Variants in ICAM1 observed in about 807,000 individuals in gnomAD.
ICAM1 encodes the protein ICAM-1.
In ICAM1, 28 loss-of-function variants were observed where a neutral mutation model predicts 42.3. The ratio of observed to expected loss-of-function variants is 0.66; its 90% CI spans 0.49 to 0.91. ICAM1 has a LOEUF of 0.91. ICAM1 is among the 40% of genes least tolerant of loss of function. ICAM1 has a pLI of 0.00. For missense variants in ICAM1, 637 were observed against 688.6 expected, an observed-to-expected ratio of 0.93 and a Z score of 0.84; for synonymous variants, 304 against 305.9, an observed-to-expected ratio of 0.99 and a Z score of 0.07.
rs202118930 is a variant in ICAM1, at chr19:10,285,046, C to A, written c.1426+18C>A. ...TGTGCTCTGTGAGTGAGCCGGCGGG[C>A]AGAGCTGGGTGGGGGCAGGGGCCAT... On this transcript the variant is annotated intron_variant, in intron 6 of 6. Transcript: ENST00000264832. 1 of 1,613,552 alleles carries A rather than the reference C, an allele frequency of 6.2e-7. No homozygotes were observed. The highest frequency in any genetic ancestry group is 2.2e-5 in the East Asian group (1 of 44,886).
In ICAM1 at chr19:10,284,094, G is replaced by A. The variant is rs780564025; in HGVS notation, c.699G>A (p.Gly233=). The change falls in exon 4 of 7, where the codon GGG becomes GGA. Residue 233 remains glycine (G), a synonymous_variant. Transcript: ENST00000264832. This position sits in a 1 kb window ranked among gnomAD's most constrained non-coding sequence, Gnocchi z 5.4. The part of the protein sequence containing the change: ...SPRVLEVDTQ[G]TVVCSLDGLF... ...GGGTCCTAGAGGTGGACACGCAGGG[G>A]ACCGTGGTCTGTTCCCTGGACGGGC... The A allele has an allele frequency of 2.5e-6, 4 of 1,613,926 alleles. No homozygotes were observed. The African/African-American group carries it at 5.3e-5, about 22-fold the overall frequency.
In ICAM1 at chr19:10,284,763, A is replaced by T. The variant is rs1368955431; in HGVS notation, c.1181-20A>T. On this transcript the variant is annotated intron_variant, in intron 5 of 6. Transcript: ENST00000264832. This position sits in a 1 kb window ranked among gnomAD's most constrained non-coding sequence, Gnocchi z 5.4. ...TCCTGCCCCCACCCACCTCCATGTC[A>T]TCTCATCGTGTTTTTCCAGATGGCC... 6.2e-7 allele frequency: 1 copy of T among 1,606,988 alleles called. No individual in the cohort carries two copies. Among genetic ancestry groups the T allele is most frequent in the Non-Finnish European group, 8.5e-7 (1 of 1,178,222 alleles).
At chr19:10,282,071 C>CTT (rs35660845) in intron 2 of ICAM1, among the ~76,000 whole-genome samples, 48,454 of 144,610 alleles carry the variant, frequency 0.34, 8,496 homozygotes, top group Admixed American at 0.45. Context: ...TCATTACTGA[C>CTT]TTTTTTTTTT....
At position 10,285,155 on chromosome 19, in the gene ICAM1, C is replaced by T. The variant is rs2040094593; in HGVS notation, c.1467C>T (p.Ala489=). 9 of 1,614,170 alleles carry T rather than the reference C, an allele frequency of 5.6e-6. No individual in the cohort carries two copies. The highest frequency in any genetic ancestry group is 7.6e-6 in the Non-Finnish European group (9 of 1,180,016). Residue 489 remains alanine (A), a synonymous_variant, in exon 7 of 7, where the codon GCC becomes GCT. Coordinates refer to ENST00000264832, the MANE Select transcript of ICAM1 (RefSeq NM_000201.3). ...YEIVIITVVA[A]AVIMGTAGLS... ...TTGTCATCATCACTGTGGTAGCAGC[C>T]GCAGTCATAATGGGCACTGCAGGCC...
chr19:10,275,498 G>GA (rs902786313), intron 2 of ICAM1, among the ~76,000 whole-genome samples: 9 of 147,720 alleles, frequency 6.1e-5, no homozygotes, highest in South Asian at 2.1e-4. Flanking sequence ...TCCATCTCAA[G>GA]AAAAAAAAAA....
Position 10,284,412 on chromosome 19 carries a change from C to A in ICAM1, c.935C>A (p.Ala312Glu), listed in dbSNP as rs768543917. ...TGTGTGCCTATTCCAGGCTTTCCGGCGCCCAACGTGATTCTGACGAAGCCA... is the reference window on the plus strand; with the variant it reads ...TGTGTGCCTATTCCAGGCTTTCCGGAGCCCAACGTGATTCTGACGAAGCCA... ...LQTVTIYSFP[A>E]PNVILTKPEV... Residue 312 changes from alanine (A) to glutamate (E), a missense_variant, in exon 5 of 7, where the codon GCG becomes GAG. Physicochemically the swap from Ala to Glu is moderately radical, Grantham distance 107 (BLOSUM62 -1). Coordinates refer to ENST00000264832, the MANE Select transcript of ICAM1 (RefSeq NM_000201.3). This position sits in a 1 kb window ranked among gnomAD's most constrained non-coding sequence, Gnocchi z 5.4. 2.2e-5 allele frequency: 35 copies of A among 1,613,050 alleles called. No homozygotes were observed. The East Asian group carries it at 4.2e-4, about 20-fold the overall frequency.
At chr19:10,279,548 T>C (rs539185564) in intron 2 of ICAM1, among the ~76,000 whole-genome samples, 70 of 152,048 alleles carry the variant, frequency 4.6e-4, no homozygotes, top group African/African-American at 1.6e-3. Context: ...TGGTGCCATC[T>C]TGGCTCACTG....
chr19:10,275,855 C>T (rs2040012582), intron 2 of ICAM1, among the ~76,000 whole-genome samples: 1 of 151,682 alleles, frequency 6.6e-6, no homozygotes, highest in South Asian at 2.1e-4. Flanking sequence ...CTACAGGCGC[C>T]TGCCACCATG....
chr19:10,276,544 CAAAA>C (rs71162059), intron 2 of ICAM1, among the ~76,000 whole-genome samples: 23 of 72,906 alleles, frequency 3.2e-4, no homozygotes, highest in South Asian at 2.0e-3. Flanking sequence ...GACTCCATCT[CAAAA>C]AAAAAAAAAA....
chr19:10,276,326 A>G (rs2040016379), intron 2 of ICAM1, among the ~76,000 whole-genome samples: 1 of 151,522 alleles, frequency 6.6e-6, no homozygotes, highest in Admixed American at 6.6e-5. Context: ...CGGGCGGATC[A>G]CAAGGTCAGG....
At chr19:10,277,610 C>T (rs530409962) in intron 2 of ICAM1, among the ~76,000 whole-genome samples, 2 of 152,202 alleles carry the variant, frequency 1.3e-5, no homozygotes, top group East Asian at 3.9e-4. Flanking sequence ...GCCTCAGCCT[C>T]CCAAGTAGCT....
Position 10,283,617 on chromosome 19 carries a change from G to A in ICAM1, c.468G>A (p.Glu156=). 1 of 1,613,998 alleles carries A rather than the reference G, an allele frequency of 6.2e-7. No individual in the cohort carries two copies. The highest frequency in any genetic ancestry group is 8.5e-7 in the Non-Finnish European group (1 of 1,179,992). The change falls in exon 3 of 7, where the codon GAG becomes GAA. Residue 156 remains glutamate (E), a synonymous_variant. Transcript: ENST00000264832. The part of the protein sequence containing the change: ...LTVVLLRGEK[E]LKREPAVGEP... ...TGGTGCTGCTCCGTGGGGAGAAGGA[G>A]CTGAAACGGGAGCCAGCTGTGGGGG...
Position 10,284,707 on chromosome 19 carries a change from C to T in ICAM1, c.1180+50C>T. ...CCCCTATCCCCCAAGGCCCAATCTCCCTGAAGGTCCCATAAGGTCTTGCCT... is the reference window on the plus strand; with the variant it reads ...CCCCTATCCCCCAAGGCCCAATCTCTCTGAAGGTCCCATAAGGTCTTGCCT... On this transcript the variant is annotated intron_variant, in intron 5 of 6. Transcript: ENST00000264832. This position sits in a 1 kb window ranked among gnomAD's most constrained non-coding sequence, Gnocchi z 5.4. 6.2e-7 allele frequency: 1 copy of T among 1,611,610 alleles called. No individual in the cohort carries two copies. The highest frequency in any genetic ancestry group is 8.5e-7 in the Non-Finnish European group (1 of 1,179,216).
intron 2 of ICAM1, among the ~76,000 whole-genome samples, chr19:10,280,917 A>G (rs1599268286): frequency 8.7e-6 from 1 of 115,492 alleles, no homozygotes; most frequent in Admixed American, 1.2e-4. Context: ...TCTGTCGCCC[A>G]GGCAGGAGTG....
At chr19:10,276,803 C>G (rs2040020334) in intron 2 of ICAM1, among the ~76,000 whole-genome samples, 1 of 151,466 alleles carries the variant, frequency 6.6e-6, no homozygotes, top group South Asian at 2.1e-4. Flanking sequence ...GAAACCCCGT[C>G]TCTATTAAAA....
chr19:10,280,868 CTTTTTTTTT>C (rs869262659), intron 2 of ICAM1, among the ~76,000 whole-genome samples: 1 of 70,094 alleles, frequency 1.4e-5, no homozygotes, highest in Non-Finnish European at 2.6e-5. Context: ...CGTGCCCGGC[CTTTTTTTTT>C]TTTTTTTTTT....
chr19:10,279,220 A>T (rs1293669581), intron 2 of ICAM1, among the ~76,000 whole-genome samples: 1 of 151,874 alleles, frequency 6.6e-6, no homozygotes, highest in Non-Finnish European at 1.5e-5. Context: ...AGCAGGGAGA[A>T]ATCTTGATGG....
intron 2 of ICAM1, among the ~76,000 whole-genome samples, chr19:10,282,064 T>C (rs2040063830): frequency 1.7e-5 from 2 of 117,920 alleles, no homozygotes; most frequent in East Asian, 4.2e-4. Context: ...GACTCTGTCA[T>C]TACTGACTTT....
intron 2 of ICAM1, among the ~76,000 whole-genome samples, chr19:10,275,776 C>T (rs1368496545): frequency 2.1e-5 from 3 of 142,292 alleles, no homozygotes; most frequent in Non-Finnish European, 4.5e-5. Context: ...GGTGTGATCT[C>T]GGCTCACTGC....
Sources: allele counts gnomAD v4.1 joint callset (sites outside exome capture counted in the v4.1 genomes callset), GRCh38; gene constraint gnomAD v4.1.1; non-coding constraint Gnocchi (gnomAD v3.1); transcripts MANE v1.5; gene names NCBI Gene and HGNC (gene_info 2026-07-23, HGNC 2026-07-21).